The following AIFM2 variants were observed in gnomAD, a reference collection of about 807,000 sequenced individuals.
AIFM2 encodes the protein AIF family member 2, ferroptosis suppressor.
In AIFM2, 38 loss-of-function variants were observed where a neutral mutation model predicts 35.7. That is an observed-to-expected ratio of 1.06 (90% CI 0.82 to 1.39). The LOEUF (loss-of-function observed/expected upper bound fraction) is 1.39. Among genes scored for constraint, AIFM2 ranks in the 40% most tolerant of loss-of-function variants. The probability of loss-of-function intolerance (pLI) is 0.00; values close to 1 mark genes in which losing one functional copy is unlikely to be tolerated. For missense variants in AIFM2, 476 were observed against 491.2 expected (o/e 0.97, Z 0.29); for synonymous variants, 185 against 203.5 (o/e 0.91, Z 0.77).
chr10:70,125,273 A>G (rs954215350), intron 1 of AIFM2, among the ~76,000 whole-genome samples: 1 of 152,040 alleles, frequency 6.6e-6, no homozygotes, highest in Non-Finnish European at 1.5e-5. Flanking sequence ...GGCCACAACC[A>G]TATGCTACAA....
At chr10:70,126,899 C>T (rs1402362395) in intron 1 of AIFM2, among the ~76,000 whole-genome samples, 1 of 142,436 alleles carries the variant, frequency 7.0e-6, no homozygotes, top group African/African-American at 2.7e-5. Context: ...GCTGAGCCCT[C>T]GTAGAGATTA....
Position 70,117,855 on chromosome 10 carries a change from T to C in AIFM2, c.573A>G (p.Glu191=). The C allele has an allele frequency of 6.2e-7, 1 of 1,605,100 alleles. No individual in the cohort carries two copies. The highest frequency in any genetic ancestry group is 8.5e-7 in the Non-Finnish European group (1 of 1,176,766). Residue 191 remains glutamate (E), a synonymous_variant, in exon 6 of 9, where the codon GAA becomes GAG. Coordinates refer to ENST00000307864, the MANE Select transcript of AIFM2 (RefSeq NM_032797.6). This position sits in a 1 kb window ranked among gnomAD's most constrained non-coding sequence, Gnocchi z 4.7. The part of the protein sequence containing the change: ...DKELLPSVRQ[E]VKEILLRKGV... ...CCTTCCGGAGGAGGATCTCCTTCAC[T>C]TCCTGCCGGACGGAGGGCAGGAGCT...
chr10:70,126,119 A>C (rs570464222), intron 1 of AIFM2, among the ~76,000 whole-genome samples: 3 of 152,376 alleles, frequency 2.0e-5, no homozygotes, highest in Non-Finnish European at 4.4e-5. Context: ...GGCCTCAGGC[A>C]GGCAGAGGGC....
rs563915082 is a variant in AIFM2 at position 70,114,139 on chromosome 10, G to A, written c.*39C>T. 45 of 1,591,682 alleles carry A rather than the reference G, an allele frequency of 2.8e-5. No homozygotes were observed. The South Asian group carries it at 3.5e-4, about 12-fold the overall frequency. ...GTGCCATGCGCCAAGCAGTCCGTACGCCCACCTGCTGCGGTAGTTCTCCCG... is the reference window on the plus strand; with the variant it reads ...GTGCCATGCGCCAAGCAGTCCGTACACCCACCTGCTGCGGTAGTTCTCCCG... On this transcript the variant is annotated 3_prime_UTR_variant, in exon 9 of 9. Transcript: ENST00000307864.
chr10:70,132,145 G>A (rs2072633130), intron 1 of AIFM2, among the ~76,000 whole-genome samples: 1 of 152,170 alleles, frequency 6.6e-6, no homozygotes, highest in Admixed American at 6.5e-5. Context: ...TGGACTGCAC[G>A]CGTCCCATCA....
chr10:70,124,488 A>G (rs888182950), intron 1 of AIFM2, among the ~76,000 whole-genome samples: 2 of 152,008 alleles, frequency 1.3e-5, no homozygotes, highest in Admixed American at 1.3e-4. Flanking sequence ...GGGCAGGAGG[A>G]AAAAAAAGAC....
At chr10:70,125,826 G>T (rs994260683) in intron 1 of AIFM2, among the ~76,000 whole-genome samples, 1 of 152,140 alleles carries the variant, frequency 6.6e-6, no homozygotes, top group African/African-American at 2.4e-5. Context: ...CTCTTTTGGG[G>T]GTCGGGTCTT....
rs1347091967 is a variant in AIFM2 at position 70,116,123 on chromosome 10, C to CA, written c.769+498dup. Among the ~76,000 whole-genome samples the CA allele has an allele frequency of 5.9e-5, 9 of 152,336 alleles. No homozygotes were observed. The East Asian group carries it at 1.7e-3, about 29-fold the overall frequency. ...CTGCTCACAAATGGAGGCTTAAACA[C>CA]ACATCAGTCCACCTCTGCCACCTCC... On this transcript the variant is annotated intron_variant, in intron 7 of 8. Coordinates refer to ENST00000307864, the MANE Select transcript of AIFM2 (RefSeq NM_032797.6).
At chr10:70,119,284 C>T (rs1443969563) in intron 5 of AIFM2, among the ~76,000 whole-genome samples, 1 of 152,194 alleles carries the variant, frequency 6.6e-6, no homozygotes, top group Non-Finnish European at 1.5e-5. Flanking sequence ...GCTGCTCTAG[C>T]AAATTATTTA....
chr10:70,126,482 C>T (rs2072567328), intron 1 of AIFM2, among the ~76,000 whole-genome samples: 1 of 152,176 alleles, frequency 6.6e-6, no homozygotes, highest in Non-Finnish European at 1.5e-5. Flanking sequence ...CCTCAGGCCG[C>T]TGGAAGGCCA....
rs2072449501 is a variant in AIFM2 at position 70,117,309 on chromosome 10, A to G, written c.616+503T>C. ...CAAACAGTGAGGGGGCTGGGGCCCC[A>G]TGCAGTGAAGTGTAGGGGCCACAGC... On this transcript the variant is annotated intron_variant, in intron 6 of 8. Coordinates refer to ENST00000307864, the MANE Select transcript of AIFM2 (RefSeq NM_032797.6). The surrounding 1 kb of genome is among the most constrained non-coding windows in gnomAD (Gnocchi z 4.7). 6.6e-6 allele frequency among the ~76,000 whole-genome samples: 1 copy of G among 152,218 alleles called. No individual in the cohort carries two copies. Among genetic ancestry groups the G allele is most frequent in the East Asian group, 1.9e-4 (1 of 5,190 alleles).
rs1197303458 is a variant in AIFM2, at chr10:70,113,840, G to C, written c.*338C>G. ...TAAATGGCACGCGTCATGACCACAA[G>C]CACGTACACACACATGCACATCCCA... On this transcript the variant is annotated 3_prime_UTR_variant, in exon 9 of 9. Coordinates refer to ENST00000307864, the MANE Select transcript of AIFM2 (RefSeq NM_032797.6). 3 of 244,622 alleles carry C rather than the reference G, an allele frequency of 1.2e-5. No homozygotes were observed. Among genetic ancestry groups the C allele is most frequent in the Non-Finnish European group, 2.4e-5 (3 of 127,010 alleles). The allele number at this position is 244,622 out of a possible 1,614,324, so 15.2% of individuals were successfully genotyped here. A position where few individuals can be genotyped will look rare whatever the true frequency, so the allele number is the denominator to read the frequency against.
At chr10:70,128,355 ATGTTT>A (rs1350890834) in intron 1 of AIFM2, among the ~76,000 whole-genome samples, 2 of 152,080 alleles carry the variant, frequency 1.3e-5, no homozygotes, top group African/African-American at 4.8e-5. Flanking sequence ...AGGGTGAGTG[ATGTTT>A]TGTTTTGTTT....
intron 8 of AIFM2, 87 bp downstream of exon 8, chr10:70,114,833 G>A (rs1239157822): frequency 9.1e-6 from 13 of 1,427,184 alleles, no homozygotes; most frequent in African/African-American, 8.5e-5. Flanking sequence ...TTGTTCTAGT[G>A]GCCAGGTATG....
At chr10:70,114,379 G>A (rs748450931) in intron 8 of AIFM2, 50 bp from the exon 9 acceptor site, 67 of 1,609,120 alleles carry the variant, frequency 4.2e-5, no homozygotes, top group Non-Finnish European at 5.1e-5. Context: ...ACCGCCTGGG[G>A]CTGCACCTCC....
intron 7 of AIFM2, 71 bp from the exon 8 acceptor site, chr10:70,115,191 G>C: frequency 6.6e-7 from 1 of 1,524,918 alleles, no homozygotes; most frequent in Non-Finnish European, 8.9e-7. Flanking sequence ...GAGGAGGAGA[G>C]GGCGAGCTCT....
At chr10:70,128,075 C>A (rs192797549) in intron 1 of AIFM2, among the ~76,000 whole-genome samples, 5 of 152,364 alleles carry the variant, frequency 3.3e-5, no homozygotes, top group Admixed American at 1.3e-4. Context: ...GAACTCCCCT[C>A]TGCTTGGCCA....
intron 1 of AIFM2, among the ~76,000 whole-genome samples, chr10:70,130,025 A>G (rs1266347325): frequency 1.3e-5 from 2 of 152,104 alleles, no homozygotes; most frequent in East Asian, 3.9e-4. Flanking sequence ...CTCTACAAAA[A>G]ATACAAAAAT....
intron 5 of AIFM2, among the ~76,000 whole-genome samples, chr10:70,118,630 AC>A (rs1339809117): frequency 1.3e-5 from 2 of 152,176 alleles, no homozygotes; most frequent in Non-Finnish European, 2.9e-5. Context: ...AGTTACTTGA[AC>A]TTTTTTACTA....
Sources: gnomAD v4.1 joint callset for allele counts (sites outside exome capture counted in the v4.1 genomes callset) on GRCh38, gnomAD v4.1.1 for gene constraint, Gnocchi (gnomAD v3.1) non-coding constraint, MANE v1.5 for transcripts, NCBI Gene and HGNC (gene_info 2026-07-23, HGNC 2026-07-21) for gene names.